C19orf47: variants seen among roughly 807,000 people sequenced by gnomAD.
C19orf47 encodes chromosome 19 open reading frame 47, also known as uncharacterized protein C19orf47.
A neutral mutation model predicts 32.3 loss-of-function variants in C19orf47; 18 were observed. The observed-to-expected ratio is 0.56, with a 90% CI of 0.39 to 0.83. The LOEUF (loss-of-function observed/expected upper bound fraction) is 0.83. Ranked by LOEUF, C19orf47 falls within the 40% of genes least tolerant of loss-of-function variation. The pLI, the probability that C19orf47 is intolerant of heterozygous loss-of-function variation, is 0.00. For missense variants in C19orf47, 484 were observed against 531.6 expected (o/e 0.91, Z 0.88); for synonymous variants, 202 against 211.1 (o/e 0.96, Z 0.37).
intron 1 of C19orf47, among the ~76,000 whole-genome samples, chr19:40,344,936 G>T (rs2078244205): frequency 6.6e-6 from 1 of 152,152 alleles, no homozygotes; most frequent in Non-Finnish European, 1.5e-5. Context: ...TGTCATCCCA[G>T]CACTTTAGGG....
Position 40,348,376 on chromosome 19 carries a change from C to A in C19orf47, c.-86G>T. 7.1e-7 allele frequency: 1 copy of A among 1,416,118 alleles called. No individual in the cohort carries two copies. The allele number at this position is 1,416,118 out of a possible 1,614,324, so 87.7% of individuals were successfully genotyped here. The stretch of plus-strand genomic sequence containing the variant: ...CGCCGCCCGCCCTCCCTCCCGGCGG[C>A]GCCAACTGTCAGACACTCCTCCCCC... On this transcript the variant is annotated 5_prime_UTR_variant, in exon 1 of 9. Transcript: ENST00000683109.
intron 1 of C19orf47, among the ~76,000 whole-genome samples, chr19:40,344,991 G>C (rs987145541): frequency 3.9e-5 from 6 of 152,148 alleles, no homozygotes; most frequent in Non-Finnish European, 8.8e-5. Context: ...CATATAGCAA[G>C]TAAAGGAAGC....
chr19:40,312,912 A>G, the C19orf47 span, among the ~76,000 whole-genome samples: 798 of 152,342 alleles, frequency 5.2e-3, 4 homozygotes, highest in African/African-American at 0.019. Context: ...TGGAACAACT[A>G]TGCCACAATC....
intron 2 of C19orf47, among the ~76,000 whole-genome samples, chr19:40,340,451 G>A (rs530919447): frequency 4.6e-5 from 7 of 151,816 alleles, no homozygotes; most frequent in African/African-American, 1.4e-4. Flanking sequence ...GGGAGGCCGA[G>A]GCAGGTGGAT....
the C19orf47 span, among the ~76,000 whole-genome samples, chr19:40,294,069 G>C: frequency 2.0e-5 from 3 of 152,118 alleles, no homozygotes; most frequent in African/African-American, 4.8e-5. Flanking sequence ...GCAGTGTACT[G>C]AGATGGCGCC....
chr19:40,326,510 C>G, intron 6 of C19orf47, 24 bp from the exon 7 acceptor site: 1 of 1,608,454 alleles, frequency 6.2e-7, no homozygotes, highest in Non-Finnish European at 8.5e-7. Flanking sequence ...GCAGGGGTAT[C>G]AGCACTCTCT....
the C19orf47 span, among the ~76,000 whole-genome samples, chr19:40,301,313 T>TTTTATTTATTTA: frequency 0.018 from 2,560 of 140,278 alleles, 38 homozygotes; most frequent in Non-Finnish European, 0.022. Context: ...CTTGAGAGGC[T>TTTTATTTATTTA]TTTATTTATT....
Position 40,326,432 on chromosome 19 carries a change from C to T in C19orf47, c.494G>A (p.Arg165Gln), listed in dbSNP as rs534758453. 8.7e-6 allele frequency: 14 copies of T among 1,614,152 alleles called. No individual in the cohort carries two copies. The highest frequency in any genetic ancestry group is 3.3e-5 in the Admixed American group (2 of 60,034). Reference sequence around the variant, plus strand: ...CTTCCCCTCCATCTCAGCAGTGACCCGGCGCCGCTTGGCAGGAACAGCCAG... The same window carrying T: ...CTTCCCCTCCATCTCAGCAGTGACCTGGCGCCGCTTGGCAGGAACAGCCAG... ...ESLAVPAKRRRVTAEMEGKYV... is the reference protein window; with the variant it reads ...ESLAVPAKRRQVTAEMEGKYV... Residue 165 changes from arginine to glutamine, a missense_variant, in exon 7 of 9, where the codon CGG (arginine) becomes CAG (glutamine). Physicochemically the swap from Arg to Gln is conservative, Grantham distance 43. This residue lies in a region of C19orf47 where 376 missense variants were observed against 370.2 expected (regional missense o/e 1.02). Transcript: ENST00000683109.
At chr19:40,294,370 G>A in the C19orf47 span, among the ~76,000 whole-genome samples, 1 of 152,148 alleles carries the variant, frequency 6.6e-6, no homozygotes, top group Non-Finnish European at 1.5e-5. Context: ...GGATTAGCAG[G>A]AGAAAATGTG....
At chr19:40,294,529 T>C in the C19orf47 span, among the ~76,000 whole-genome samples, 2 of 152,116 alleles carry the variant, frequency 1.3e-5, no homozygotes, top group Non-Finnish European at 2.9e-5. Context: ...TGTTGTGTCA[T>C]ACAGAAGAGA....
At chr19:40,341,139 G>T (rs892772673) in intron 2 of C19orf47, among the ~76,000 whole-genome samples, 1 of 151,888 alleles carries the variant, frequency 6.6e-6, no homozygotes, top group African/African-American at 2.4e-5. Context: ...TTGGAGACCA[G>T]CCTGGCCAAC....
chr19:40,320,359 C>T lies in C19orf47; in HGVS notation c.*1523G>A, dbSNP rs1222465783. On this transcript the variant is annotated 3_prime_UTR_variant, in exon 9 of 9. Transcript: ENST00000683109. ...ACATTCCTCCTCCTTGATCACAACA[C>T]CCCCAGCCACCTAGCCCCTGCCCAC... 1 of 155,706 alleles carries T rather than the reference C, an allele frequency of 6.4e-6. No individual in the cohort carries two copies. The highest frequency in any genetic ancestry group is 2.4e-5 in the African/African-American group (1 of 41,466). 9.6% of individuals were successfully genotyped at this position (155,706 alleles called of 1,614,324 possible).
rs2077883278 is a variant in C19orf47, at chr19:40,328,542, G to C, written c.310C>G (p.Arg104Gly). The C allele has an allele frequency of 6.2e-7, 1 of 1,605,578 alleles. No homozygotes were observed. The change falls in exon 6 of 9, where the codon CGA (arginine) becomes GGA (glycine). Residue 104 changes from arginine to glycine, a missense_variant. Physicochemically the swap from Arg to Gly is moderately radical, Grantham distance 125. Transcript: ENST00000683109. ...TGGTTCAGGCTGTTGGTGATCATTC[G>C]GGAGGCAGCTGTGGGGAGAAAAGGA... ...EIRRGTSAAS[R>G]MITNSLNHDS...
At chr19:40,339,087 A>T in intron 2 of C19orf47, 1 of 153,010 alleles carries the variant, frequency 6.5e-6, no homozygotes. Context: ...AGCAGTAGGA[A>T]GGGAGAAGGA....
At chr19:40,295,495 C>T in the C19orf47 span, among the ~76,000 whole-genome samples, 9 of 151,920 alleles carry the variant, frequency 5.9e-5, no homozygotes, top group East Asian at 1.2e-3. Context: ...AGTGCAATAA[C>T]GTGGTCTCAG....
At chr19:40,329,483 G>A (rs532324161) in intron 5 of C19orf47, among the ~76,000 whole-genome samples, 99 of 152,264 alleles carry the variant, frequency 6.5e-4, no homozygotes, top group Non-Finnish European at 1.2e-3. Flanking sequence ...TCCAGCCTGG[G>A]CAACAGAGTG....
At chr19:40,346,440 CTCAAATAA>C (rs1000869823) in intron 1 of C19orf47, among the ~76,000 whole-genome samples, 1 of 96,138 alleles carries the variant, frequency 1.0e-5, no homozygotes, top group Admixed American at 1.4e-4. Context: ...GAGACCTTGT[CTCAAATAA>C]ATAAATAAAT....
intron 1 of C19orf47, among the ~76,000 whole-genome samples, chr19:40,343,236 T>G (rs2078211998): frequency 6.6e-6 from 1 of 152,042 alleles, no homozygotes; most frequent in Non-Finnish European, 1.5e-5. Flanking sequence ...CACCCCCGCA[T>G]GGGGTGCAGA....
chr19:40,326,267 G>A, intron 7 of C19orf47, 67 bp downstream of exon 7: 8 of 1,585,902 alleles, frequency 5.0e-6, no homozygotes, highest in Non-Finnish European at 6.9e-6. Flanking sequence ...GGATATGACG[G>A]GCCCTGTGTG....
Sources: gnomAD v4.1 joint callset for allele counts (sites outside exome capture counted in the v4.1 genomes callset) on GRCh38, gnomAD v4.1.1 for gene constraint, gnomAD v4.1.1 regional missense constraint, MANE v1.5 for transcripts, NCBI Gene and HGNC (gene_info 2026-07-23, HGNC 2026-07-21) for gene names.